The following CD47 variants were observed in gnomAD, a reference collection of about 807,000 sequenced individuals.
The protein encoded by CD47 is leukocyte surface antigen CD47.
In CD47, 11 loss-of-function variants were observed where a neutral mutation model predicts 44.6. The observed-to-expected ratio is 0.25, with a 90% CI of 0.16 to 0.41. CD47 has a LOEUF of 0.41. Ranked by LOEUF, CD47 falls within the 10% of genes least tolerant of loss-of-function variation. The pLI is 1.00. For missense variants in CD47, 306 were observed against 386.7 expected (o/e 0.79, Z 1.75); for synonymous variants, 140 against 136.3 (o/e 1.03, Z -0.19).
At chr3:108,072,602 T>G (rs1454467082) in intron 2 of CD47, among the ~76,000 whole-genome samples, 1 of 152,190 alleles carries the variant, frequency 6.6e-6, no homozygotes, top group African/African-American at 2.4e-5. Context: ...GGATCTCTAC[T>G]GAGAGATGTT....
At chr3:108,059,756 C>T (rs557349136) in intron 4 of CD47, among the ~76,000 whole-genome samples, 8 of 152,314 alleles carry the variant, frequency 5.3e-5, no homozygotes, top group African/African-American at 1.7e-4. Context: ...CTTGAATTGG[C>T]TCTGCCTCCT....
chr3:108,060,881 G>T (rs747658953), intron 3 of CD47, 29 bp from the exon 4 acceptor site: 2 of 1,435,756 alleles, frequency 1.4e-6, no homozygotes, highest in South Asian at 1.1e-5. Context: ...AGAATTATAT[G>T]AACTCAATCA....
At chr3:108,059,395 T>C in intron 5 of CD47, 57 bp downstream of exon 5, 1 of 815,050 alleles carries the variant, frequency 1.2e-6, no homozygotes, top group Non-Finnish European at 1.9e-6. Context: ...TCACCAAAAC[T>C]GCTGTTTTGT....
Position 108,044,611 on chromosome 3 carries a change from T to C in CD47, c.*2677A>G, listed in dbSNP as rs2078691108. The C allele has an allele frequency of 6.6e-6, 1 of 151,974 alleles. No homozygotes were observed. The highest frequency in any genetic ancestry group is 2.4e-5 in the African/African-American group (1 of 41,354). The allele number at this position is 151,974 out of a possible 1,614,324, so 9.4% of individuals were successfully genotyped here. A position where few individuals can be genotyped will look rare whatever the true frequency, so the allele number is the denominator to read the frequency against. ...ATGAAAGAAAGAAAAGCTCTAGCTATAGAAGGAATTTTAAAATCAAGGAGA... is the reference window on the plus strand; with the variant it reads ...ATGAAAGAAAGAAAAGCTCTAGCTACAGAAGGAATTTTAAAATCAAGGAGA... On this transcript the variant is annotated 3_prime_UTR_variant, in exon 11 of 11. Coordinates refer to ENST00000361309, the MANE Select transcript of CD47 (RefSeq NM_001777.4).
chr3:108,066,859 G>A (rs895765487), intron 3 of CD47, among the ~76,000 whole-genome samples: 13 of 152,260 alleles, frequency 8.5e-5, no homozygotes, highest in African/African-American at 3.1e-4. Flanking sequence ...GGAAAGTGAG[G>A]AGGATGTAAC....
rs774884486 is a variant in CD47, at chr3:108,060,878, T to C, written c.491-26A>G. 8 of 1,464,640 alleles carry C rather than the reference T, an allele frequency of 5.5e-6. No individual in the cohort carries two copies. In the South Asian group the frequency reaches 6.8e-5, roughly 12 times the overall value. 90.7% of individuals were successfully genotyped at this position (1,464,640 alleles called of 1,614,324 possible). A position where few individuals can be genotyped will look rare whatever the true frequency, so the allele number is the denominator to read the frequency against. Reference sequence around the variant, plus strand: ...CTTAAAAAAGAAAAACAAAGAATTATATGAACTCAATCACAAGTGAAGCCA... The same window carrying C: ...CTTAAAAAAGAAAAACAAAGAATTACATGAACTCAATCACAAGTGAAGCCA... On this transcript the variant is annotated intron_variant, in intron 3 of 10. Transcript: ENST00000361309.
intron 5 of CD47, among the ~76,000 whole-genome samples, chr3:108,059,209 T>C (rs368125686): frequency 6.6e-6 from 1 of 152,228 alleles, no homozygotes; most frequent in East Asian, 1.9e-4. Context: ...TTATATGGCA[T>C]AATTTAAAAT....
chr3:108,044,167 A>T lies in CD47; in HGVS notation c.*3121T>A, dbSNP rs1244757720. The T allele has an allele frequency of 6.6e-6, 1 of 152,650 alleles. No homozygotes were observed. The highest frequency in any genetic ancestry group is 1.9e-4 in the East Asian group (1 of 5,206). The allele number at this position is 152,650 out of a possible 1,614,324, so 9.5% of individuals were successfully genotyped here. A position where few individuals can be genotyped will look rare whatever the true frequency, so the allele number is the denominator to read the frequency against. The stretch of plus-strand genomic sequence containing the variant: ...ACAAGAGAAACCTAGAAGGTTGATT[A>T]CAGCTTAATTTTTATTACTGAGATG... On this transcript the variant is annotated 3_prime_UTR_variant, in exon 11 of 11. Transcript: ENST00000361309.
chr3:108,050,507 C>A (rs1559976502), intron 9 of CD47, 71 bp downstream of exon 9: 3 of 723,422 alleles, frequency 4.1e-6, no homozygotes, highest in Non-Finnish European at 7.3e-6. Flanking sequence ...ATAGACAGGG[C>A]ATTCTAACTG....
intron 7 of CD47, 83 bp downstream of exon 7, chr3:108,057,384 TGGTCCTAAAC>T: frequency 1.6e-6 from 1 of 637,402 alleles, no homozygotes; most frequent in Non-Finnish European, 2.9e-6. Context: ...TTCTCATTTT[TGGTCCTAAAC>T]TGGAAGAACA....
intron 1 of CD47, among the ~76,000 whole-genome samples, chr3:108,083,897 T>A (rs1329147953): frequency 3.3e-5 from 1 of 30,510 alleles, no homozygotes; most frequent in African/African-American, 7.3e-5. Flanking sequence ...TATCCACACC[T>A]TTTTTTTTTT....
rs202128619 is a variant in CD47 at position 108,057,557 on chromosome 3, A to G, written c.797T>C (p.Met266Thr). The change falls in exon 7 of 11, where the codon ATG (methionine) becomes ACG (threonine). Residue 266 changes from methionine (M) to threonine (T), a missense_variant. Transcript: ENST00000361309. ...ACCTGAAATCAGAAGAGGGCCATGC[A>G]TTGGTATACACGCTGTAAAAACAAA... Reference protein sequence around the residue: ...LSLCIAACIPMHGPLLISGLS... With the variant: ...LSLCIAACIPTHGPLLISGLS... The G allele has an allele frequency of 1.2e-4, 176 of 1,513,728 alleles. No homozygotes were observed. The highest frequency in any genetic ancestry group is 1.5e-4 in the Non-Finnish European group (161 of 1,088,952). 93.8% of individuals were successfully genotyped at this position (1,513,728 alleles called of 1,614,324 possible).
rs917359773 is a variant in CD47, at chr3:108,080,938, GA to G, written c.47-595del. ...TGGAAAATCTTAAAATACTAATGAG[GA>G]AAAAAAAAACATTATCTGTGGCTAC... is the stretch of plus-strand genomic sequence containing the variant. On this transcript the variant is annotated intron_variant, in intron 1 of 10. Coordinates refer to ENST00000361309, the MANE Select transcript of CD47 (RefSeq NM_001777.4). Among the ~76,000 whole-genome samples, 30 of 146,374 alleles carry G rather than the reference GA, an allele frequency of 2.0e-4. No homozygotes were observed. The South Asian group carries it at 2.6e-3, about 13-fold the overall frequency.
At chr3:108,065,957 T>G (rs928709864) in intron 3 of CD47, among the ~76,000 whole-genome samples, 2 of 152,080 alleles carry the variant, frequency 1.3e-5, no homozygotes, top group Admixed American at 1.3e-4. Flanking sequence ...TGGATGGAAA[T>G]TTCCTAGTCC....
At chr3:108,079,598 CA>C (rs1437326276) in intron 2 of CD47, among the ~76,000 whole-genome samples, 1 of 76,356 alleles carries the variant, frequency 1.3e-5, no homozygotes, top group Non-Finnish European at 2.6e-5. Context: ...AAAAAAAACA[CA>C]AAAAACAGAA....
rs565147627 is a variant in CD47, at chr3:108,064,515, G to A, written c.491-3663C>T. Among the ~76,000 whole-genome samples, 8 of 152,236 alleles carry A rather than the reference G, an allele frequency of 5.3e-5. No individual in the cohort carries two copies. In the South Asian group the frequency reaches 1.2e-3, roughly 24 times the overall value. On this transcript the variant is annotated intron_variant, in intron 3 of 10. Transcript: ENST00000361309. Reference sequence around the variant, plus strand: ...ACATACAAGATAAAATGCAGGTTGTGACTGATGAAATCTAATGAAATTACC... The same window carrying A: ...ACATACAAGATAAAATGCAGGTTGTAACTGATGAAATCTAATGAAATTACC...
At chr3:108,061,407 T>C (rs2079014276) in intron 3 of CD47, among the ~76,000 whole-genome samples, 1 of 152,046 alleles carries the variant, frequency 6.6e-6, no homozygotes, top group African/African-American at 2.4e-5. Context: ...TATAAAAAAT[T>C]AGTAAACAAT....
At chr3:108,063,657 CAAGT>C (rs1428886849) in intron 3 of CD47, among the ~76,000 whole-genome samples, 1 of 152,210 alleles carries the variant, frequency 6.6e-6, no homozygotes, top group East Asian at 1.9e-4. Flanking sequence ...AAAATAAATT[CAAGT>C]AATTCTCCAC....
At position 108,045,221 on chromosome 3, in the gene CD47, TGA is replaced by T. The variant is rs2078703420; in HGVS notation, c.*2065_*2066del. On this transcript the variant is annotated 3_prime_UTR_variant, in exon 11 of 11. Coordinates refer to ENST00000361309, the MANE Select transcript of CD47 (RefSeq NM_001777.4). ...GATCCAAGAGCGAACCCCAAATAAATGAGAGTTTACTACATATTAAAAGGTAC... is the reference window on the plus strand; with the variant it reads ...GATCCAAGAGCGAACCCCAAATAAATGAGTTTACTACATATTAAAAGGTAC... The T allele has an allele frequency of 6.6e-6, 1 of 152,536 alleles. No homozygotes were observed. 9.4% of individuals were successfully genotyped at this position (152,536 alleles called of 1,614,324 possible). A position where few individuals can be genotyped will look rare whatever the true frequency, so the allele number is the denominator to read the frequency against.
Sources: gnomAD v4.1 joint callset for allele counts (sites outside exome capture counted in the v4.1 genomes callset) on GRCh38, gnomAD v4.1.1 for gene constraint, MANE v1.5 for transcripts, NCBI Gene and HGNC (gene_info 2026-07-23, HGNC 2026-07-21) for gene names.